The following NTN4 variants were observed in gnomAD, a reference collection of about 807,000 sequenced individuals.
The protein encoded by NTN4 is netrin 4, also known as netrin-4.
NTN4 carries 32 observed loss-of-function variants against 73.6 expected under a neutral mutation model. The ratio of observed to expected loss-of-function variants is 0.44; its 90% CI spans 0.33 to 0.58. NTN4 has a LOEUF of 0.58. Among genes scored for constraint, NTN4 ranks in the 20% least tolerant of loss-of-function variants. NTN4 has a pLI of 0.04. For missense variants in NTN4, 654 were observed against 798.3 expected (o/e 0.82, Z 2.18); for synonymous variants, 258 against 287.5 (o/e 0.90, Z 1.04).
At chr12:95,748,887 G>A (rs2078882190) in intron 2 of NTN4, among the ~76,000 whole-genome samples, 2 of 152,340 alleles carry the variant, frequency 1.3e-5, no homozygotes, top group Admixed American at 1.3e-4. Context: ...CCCAAGCCAA[G>A]CCATCGCATC....
intron 3 of NTN4, among the ~76,000 whole-genome samples, chr12:95,732,105 T>C (rs754322023): frequency 5.9e-5 from 9 of 152,228 alleles, no homozygotes; most frequent in Non-Finnish European, 1.2e-4. Flanking sequence ...TTTTACCATA[T>C]GAAGTATTTT....
In NTN4 at chr12:95,752,873, ACT is replaced by A. The variant is rs1302734828; in HGVS notation, c.586-14731_586-14730del. On this transcript the variant is annotated intron_variant, in intron 2 of 9. Coordinates refer to ENST00000343702, the MANE Select transcript of NTN4 (RefSeq NM_021229.4). Reference sequence around the variant, plus strand: ...AAAAATCACAAACTATGCTCAACTCACTCTCTACATTTCTCATAGCTTCCAAA... The same window carrying A: ...AAAAATCACAAACTATGCTCAACTCACTCTACATTTCTCATAGCTTCCAAA... Among the ~76,000 whole-genome samples the A allele has an allele frequency of 2.0e-5, 3 of 151,530 alleles. No homozygotes were observed. The East Asian group carries it at 5.8e-4, about 29-fold the overall frequency.
chr12:95,788,350 A>G (rs1463809103), intron 1 of NTN4, among the ~76,000 whole-genome samples: 1 of 152,208 alleles, frequency 6.6e-6, no homozygotes, highest in Non-Finnish European at 1.5e-5. Context: ...TAAAAAACAC[A>G]CTTTTCCTCC....
intron 2 of NTN4, among the ~76,000 whole-genome samples, chr12:95,761,475 C>T (rs1317195469): frequency 1.3e-5 from 2 of 151,934 alleles, no homozygotes; most frequent in African/African-American, 4.8e-5. Flanking sequence ...GGGTTACAGG[C>T]ACTCGTCACC....
At chr12:95,734,434 C>T (rs536626270) in intron 3 of NTN4, among the ~76,000 whole-genome samples, 118 of 152,264 alleles carry the variant, frequency 7.7e-4, no homozygotes, top group African/African-American at 2.7e-3. Context: ...CACGAGTTGC[C>T]AGATGAGGCT....
chr12:95,778,612 G>A (rs2079111007), intron 2 of NTN4, among the ~76,000 whole-genome samples: 2 of 152,156 alleles, frequency 1.3e-5, no homozygotes, highest in African/African-American at 4.8e-5. Flanking sequence ...ACTAAACCAT[G>A]AGGAACTTGA....
chr12:95,764,677 A>C (rs1341014803), intron 2 of NTN4, among the ~76,000 whole-genome samples: 3 of 67,948 alleles, frequency 4.4e-5, no homozygotes, highest in African/African-American at 5.2e-5. Context: ...CGCCCCGACC[A>C]AAAAAAAAAA....
intron 2 of NTN4, among the ~76,000 whole-genome samples, chr12:95,740,866 G>C (rs1009062984): frequency 2.6e-5 from 4 of 152,100 alleles, no homozygotes; most frequent in Non-Finnish European, 5.9e-5. Flanking sequence ...AGCACCCCTA[G>C]GGAACTTGTC....
At chr12:95,785,591 C>T (rs922862669) in intron 2 of NTN4, among the ~76,000 whole-genome samples, 20 of 152,148 alleles carry the variant, frequency 1.3e-4, no homozygotes, top group Admixed American at 1.2e-3. Flanking sequence ...AATGACATGG[C>T]AAAAGTCTCC....
chr12:95,668,714 G>T (rs2078202367), intron 8 of NTN4, among the ~76,000 whole-genome samples: 1 of 152,210 alleles, frequency 6.6e-6, no homozygotes, highest in African/African-American at 2.4e-5. Flanking sequence ...CTCAGGCTGG[G>T]TGTGGTGGCT....
intron 2 of NTN4, among the ~76,000 whole-genome samples, chr12:95,748,476 C>CTTTTTTTTTTT (rs762351453): frequency 1.9e-5 from 2 of 105,948 alleles, no homozygotes; most frequent in African/African-American, 7.0e-5. Context: ...ATTTTCTTTT[C>CTTTTTTTTTTT]TTTTTTTTTT....
At chr12:95,675,134 ACTTGTTTT>A in intron 7 of NTN4, among the ~76,000 whole-genome samples, 1 of 152,164 alleles carries the variant, frequency 6.6e-6, no homozygotes. Context: ...CATAGTAAAG[ACTTGTTTT>A]CTTTTTCAAA....
intron 5 of NTN4, among the ~76,000 whole-genome samples, chr12:95,702,139 G>A (rs2078489424): frequency 6.6e-6 from 1 of 151,920 alleles, no homozygotes; most frequent in Non-Finnish European, 1.5e-5. Flanking sequence ...AATTAGCTGG[G>A]TGTGGTGACG....
intron 3 of NTN4, among the ~76,000 whole-genome samples, chr12:95,720,854 C>CT (rs1318220423): frequency 3.9e-5 from 6 of 152,186 alleles, no homozygotes; most frequent in Admixed American, 3.9e-4. Flanking sequence ...GTAATAGTAA[C>CT]TAACACTGAG....
At position 95,781,209 on chromosome 12, in the gene NTN4, G is replaced by T. The variant is rs111368414; in HGVS notation, c.585+5730C>A. ...AAGAGATATACCTTATGTAAATGAC[G>T]AGTTAATGGGTGCAGCACACCAGCA... On this transcript the variant is annotated intron_variant, in intron 2 of 9. Transcript: ENST00000343702. This position sits in a 1 kb window ranked among gnomAD's most constrained non-coding sequence, Gnocchi z 4.1. Among the ~76,000 whole-genome samples, 1 of 152,132 alleles carries T rather than the reference G, an allele frequency of 6.6e-6. No homozygotes were observed. The highest frequency in any genetic ancestry group is 1.5e-5 in the Non-Finnish European group (1 of 68,022).
chr12:95,662,999 A>G (rs1295853283), intron 9 of NTN4, among the ~76,000 whole-genome samples: 1 of 152,114 alleles, frequency 6.6e-6, no homozygotes, highest in Non-Finnish European at 1.5e-5. Flanking sequence ...GCATGTCTAT[A>G]GTCCTAGCTA....
chr12:95,714,474 T>C (rs2078591084), intron 3 of NTN4, among the ~76,000 whole-genome samples: 1 of 151,634 alleles, frequency 6.6e-6, no homozygotes, highest in Non-Finnish European at 1.5e-5. Flanking sequence ...AATGGGTACC[T>C]ACAAGGGAGA....
chr12:95,790,377 G>A lies in NTN4; in HGVS notation c.-68C>T, dbSNP rs2079199972. The A allele has an allele frequency of 1.5e-6, 2 of 1,326,348 alleles. No individual in the cohort carries two copies. The highest frequency in any genetic ancestry group is 1.0e-6 in the Non-Finnish European group (1 of 987,260). 82.2% of individuals were successfully genotyped at this position (1,326,348 alleles called of 1,614,324 possible). On this transcript the variant is annotated 5_prime_UTR_variant, in exon 1 of 10. Coordinates refer to ENST00000343702, the MANE Select transcript of NTN4 (RefSeq NM_021229.4). The surrounding 1 kb of genome is among the most constrained non-coding windows in gnomAD (Gnocchi z 6.5). ...AGGGAGCCGAGACCTCTGGGCTGCGGGATGAAGCGCCGCCGTCCTCGGGAG... is the reference window on the plus strand; with the variant it reads ...AGGGAGCCGAGACCTCTGGGCTGCGAGATGAAGCGCCGCCGTCCTCGGGAG...
In NTN4 at chr12:95,671,342, G is replaced by A. The variant is rs909320473; in HGVS notation, c.1511-1196C>T. ...AGCAGGGGACCCCAAACCCCTGGCC[G>A]TGGACTGGTACTGGTTTGTGGCCTG... On this transcript the variant is annotated intron_variant, in intron 7 of 9. Transcript: ENST00000343702. Among the ~76,000 whole-genome samples the A allele has an allele frequency of 3.3e-5, 5 of 152,096 alleles. No individual in the cohort carries two copies. The East Asian group carries it at 9.6e-4, about 29-fold the overall frequency.
Sources: gnomAD v4.1 joint callset for allele counts (sites outside exome capture counted in the v4.1 genomes callset) on GRCh38, gnomAD v4.1.1 for gene constraint, Gnocchi (gnomAD v3.1) non-coding constraint, MANE v1.5 for transcripts, NCBI Gene and HGNC (gene_info 2026-07-23, HGNC 2026-07-21) for gene names.